Variants in ADCY2 observed in about 807,000 individuals in gnomAD.
The protein encoded by ADCY2 is adenylate cyclase 2, also known as adenylate cyclase type 2.
Under a neutral mutation model 125.2 loss-of-function variants are expected in ADCY2, and 31 were observed. The observed-to-expected ratio is 0.25, with a 90% CI of 0.19 to 0.33. ADCY2 has a LOEUF of 0.33. Among genes scored for constraint, ADCY2 ranks in the 10% least tolerant of loss-of-function variants. The pLI, the probability that ADCY2 is intolerant of heterozygous loss-of-function variation, is 1.00. For synonymous variants in ADCY2, 512 were observed against 548.4 expected (o/e 0.93, Z 0.93); for missense variants, 904 against 1,418.2 (o/e 0.64, Z 5.82).
At chr5:7,759,944 A>G (rs1368261314) in intron 16 of ADCY2, among the ~76,000 whole-genome samples, 1 of 152,054 alleles carries the variant, frequency 6.6e-6, no homozygotes, top group Non-Finnish European at 1.5e-5. Context: ...GGTTCTTGCT[A>G]TGGTCCCAGA....
At chr5:7,399,467 A>T (rs1739183772) in intron 1 of ADCY2, among the ~76,000 whole-genome samples, 1 of 152,228 alleles carries the variant, frequency 6.6e-6, no homozygotes, top group African/African-American at 2.4e-5. Context: ...TCAACCTTTG[A>T]TCAATCCTTG....
At chr5:7,469,051 G>A (rs1742233721) in intron 2 of ADCY2, among the ~76,000 whole-genome samples, 1 of 151,980 alleles carries the variant, frequency 6.6e-6, no homozygotes, top group African/African-American at 2.4e-5. Flanking sequence ...AGCCGTAAGT[G>A]AGTGGTTACT....
At chr5:7,503,693 A>G (rs972492727) in intron 2 of ADCY2, among the ~76,000 whole-genome samples, 1 of 152,208 alleles carries the variant, frequency 6.6e-6, no homozygotes, top group African/African-American at 2.4e-5. Context: ...ATTAACATAG[A>G]GAGGAAGAAA....
intron 4 of ADCY2, among the ~76,000 whole-genome samples, chr5:7,630,335 T>C (rs1248167938): frequency 6.6e-6 from 1 of 152,250 alleles, no homozygotes; most frequent in Non-Finnish European, 1.5e-5. Context: ...GAATGCATTT[T>C]ATGGCTCATT....
intron 3 of ADCY2, among the ~76,000 whole-genome samples, chr5:7,612,522 A>C (rs1737600967): frequency 6.6e-6 from 1 of 152,212 alleles, no homozygotes; most frequent in Non-Finnish European, 1.5e-5. Context: ...GTCTGATCTC[A>C]TGGGGAGCAC....
intron 3 of ADCY2, among the ~76,000 whole-genome samples, chr5:7,595,003 G>A (rs764258382): frequency 1.3e-5 from 2 of 152,166 alleles, no homozygotes; most frequent in Admixed American, 6.5e-5. Flanking sequence ...TGACATATTG[G>A]TATATCATTC....
chr5:7,680,683 T>C (rs1221607199), intron 4 of ADCY2, among the ~76,000 whole-genome samples: 7 of 152,310 alleles, frequency 4.6e-5, no homozygotes, highest in African/African-American at 9.6e-5. Context: ...ATGCATTACA[T>C]ATATAAAGTA....
intron 4 of ADCY2, among the ~76,000 whole-genome samples, chr5:7,657,028 A>G (rs1380740960): frequency 1.3e-5 from 2 of 152,340 alleles, no homozygotes; most frequent in Middle Eastern, 3.4e-3. Flanking sequence ...TGAATTATTC[A>G]TATTGTATAA....
chr5:7,533,204 A>T (rs2126549190), intron 3 of ADCY2, among the ~76,000 whole-genome samples: 1 of 151,512 alleles, frequency 6.6e-6, no homozygotes, highest in East Asian at 1.9e-4. Context: ...TCTCTTCAGG[A>T]CGTTGTTTTT....
At chr5:7,622,150 C>T (rs1737974629) in intron 3 of ADCY2, among the ~76,000 whole-genome samples, 1 of 152,186 alleles carries the variant, frequency 6.6e-6, no homozygotes, top group South Asian at 2.1e-4. Flanking sequence ...AGAGGTTCTG[C>T]TTAACAGTCT....
chr5:7,787,193 G>C (rs1424317822), intron 19 of ADCY2, among the ~76,000 whole-genome samples: 8 of 152,182 alleles, frequency 5.3e-5, no homozygotes, highest in African/African-American at 1.9e-4. Context: ...GTCTCTCCCT[G>C]TTCCTCCCCT....
At chr5:7,807,791 C>T (rs1744800154) in intron 22 of ADCY2, among the ~76,000 whole-genome samples, 1 of 152,188 alleles carries the variant, frequency 6.6e-6, no homozygotes, top group South Asian at 2.1e-4. Context: ...AACCCTCTGC[C>T]TCAGCCTACT....
In ADCY2 at chr5:7,636,790, C is replaced by T. The variant is rs1314757534; in HGVS notation, c.720+10474C>T. ...AGTGAGAAGAGGGTAAAGGAGTGAC[C>T]ACTGGTCTTGAACAAATGGTGGTCA... is the stretch of plus-strand genomic sequence containing the variant. On this transcript the variant is annotated intron_variant, in intron 4 of 24. Transcript: ENST00000338316. Among the ~76,000 whole-genome samples the T allele has an allele frequency of 2.6e-5, 4 of 152,190 alleles. No homozygotes were observed. The South Asian group carries it at 8.3e-4, about 32-fold the overall frequency.
chr5:7,664,835 A>G (rs1739657888), intron 4 of ADCY2, among the ~76,000 whole-genome samples: 1 of 152,178 alleles, frequency 6.6e-6, no homozygotes, highest in African/African-American at 2.4e-5. Context: ...CTGCTATCTG[A>G]GAGATTCCTC....
At chr5:7,448,784 A>G (rs1254562719) in intron 2 of ADCY2, among the ~76,000 whole-genome samples, 2 of 152,166 alleles carry the variant, frequency 1.3e-5, no homozygotes, top group Non-Finnish European at 2.9e-5. Flanking sequence ...AGCTCCGTCT[A>G]TGTCCCTGCA....
At chr5:7,593,258 G>C (rs2059855) in intron 3 of ADCY2, among the ~76,000 whole-genome samples, 3,670 of 152,230 alleles carry the variant, frequency 0.024, 139 homozygotes, top group African/African-American at 0.083. Flanking sequence ...GAGCACCAAA[G>C]ACACCCACAC....
At chr5:7,539,667 A>G (rs541971738) in intron 3 of ADCY2, among the ~76,000 whole-genome samples, 3 of 152,340 alleles carry the variant, frequency 2.0e-5, no homozygotes, top group African/African-American at 7.2e-5. Flanking sequence ...AGGGATTGAC[A>G]GTCATTTTCT....
At chr5:7,513,645 C>A (rs956563065) in intron 2 of ADCY2, among the ~76,000 whole-genome samples, 2 of 152,114 alleles carry the variant, frequency 1.3e-5, no homozygotes, top group Admixed American at 1.3e-4. Flanking sequence ...TTTAAGAATT[C>A]TAAATTTCCT....
At chr5:7,589,498 G>GAAAA (rs1170625766) in intron 3 of ADCY2, among the ~76,000 whole-genome samples, 1 of 51,660 alleles carries the variant, frequency 1.9e-5, no homozygotes, top group African/African-American at 4.4e-5. Context: ...AAGAAAGAAA[G>GAAAA]AAAGAAAGAA....
Sources: gnomAD v4.1 joint callset for allele counts (sites outside exome capture counted in the v4.1 genomes callset) on GRCh38, gnomAD v4.1.1 for gene constraint, MANE v1.5 for transcripts, NCBI Gene and HGNC (gene_info 2026-07-23, HGNC 2026-07-21) for gene names.